The following RTN4RL1 variants were observed in gnomAD, a reference collection of about 807,000 sequenced individuals.
RTN4RL1 encodes reticulon-4 receptor-like 1.
A neutral mutation model predicts 25.6 loss-of-function variants in RTN4RL1; 7 were observed. The ratio of observed to expected loss-of-function variants is 0.27; its 90% CI spans 0.16 to 0.51. The LOEUF is 0.51. Among genes scored for constraint, RTN4RL1 ranks in the 20% least tolerant of loss-of-function variants. The pLI is 0.97. For missense variants in RTN4RL1, 500 were observed against 615.6 expected, an observed-to-expected ratio of 0.81 and a Z score of 1.99; for synonymous variants, 297 against 288.2, an observed-to-expected ratio of 1.03 and a Z score of -0.31.
intron 1 of RTN4RL1, among the ~76,000 whole-genome samples, chr17:1,938,461 C>T (rs1176063618): frequency 6.6e-6 from 1 of 151,708 alleles, no homozygotes; most frequent in Non-Finnish European, 1.5e-5. Context: ...ACCATCACGC[C>T]CAGGTAGTTT....
intron 1 of RTN4RL1, among the ~76,000 whole-genome samples, chr17:1,942,412 C>G (rs1036478340): frequency 6.6e-6 from 1 of 151,996 alleles, no homozygotes; most frequent in African/African-American, 2.4e-5. Flanking sequence ...TGGGGGGGCT[C>G]ACTAGGAGAT....
intron 1 of RTN4RL1, among the ~76,000 whole-genome samples, chr17:1,951,259 C>T (rs922313050): frequency 1.3e-4 from 19 of 144,314 alleles, no homozygotes; most frequent in Non-Finnish European, 6.1e-5. Flanking sequence ...AGCGAGACTC[C>T]GTCTCAAAAA....
chr17:1,999,982 G>A (rs888990189), intron 1 of RTN4RL1, among the ~76,000 whole-genome samples: 1 of 152,248 alleles, frequency 6.6e-6, no homozygotes, highest in Non-Finnish European at 1.5e-5. Flanking sequence ...CCACTGGGCA[G>A]GCCAGGGTCC....
Position 1,961,773 on chromosome 17 carries a change from C to CAAAAA in RTN4RL1, c.14-23970_14-23966dup, listed in dbSNP as rs1163170575. Among the ~76,000 whole-genome samples the CAAAAA allele has an allele frequency of 1.3e-3, 74 of 55,588 alleles. 2 individuals carry two copies. The highest frequency in any genetic ancestry group is 3.1e-3 in the African/African-American group (45 of 14,570). The allele number at this position is 55,588 out of a possible 152,430, so 36.5% of individuals were successfully genotyped here. On this transcript the variant is annotated intron_variant, in intron 1 of 1. Coordinates refer to ENST00000331238, the MANE Select transcript of RTN4RL1 (RefSeq NM_178568.4). The stretch of plus-strand genomic sequence containing the variant: ...TGAAACCCTGTCTCCACTAAAAATA[C>CAAAAA]AAAAAAAAAAAAAAAAAAAAAAAAA...
chr17:1,998,829 C>T lies in RTN4RL1; in HGVS notation c.13+26024G>A, dbSNP rs1167381608. Among the ~76,000 whole-genome samples the T allele has an allele frequency of 6.6e-6, 1 of 152,076 alleles. No homozygotes were observed. The highest frequency in any genetic ancestry group is 1.5e-5 in the Non-Finnish European group (1 of 67,996). ...GAGGGCCCTAAAAACGCTGGGGACG[C>T]GGGTTTGACGCACTTTCCCGGCAGC... On this transcript the variant is annotated intron_variant, in intron 1 of 1. Coordinates refer to ENST00000331238, the MANE Select transcript of RTN4RL1 (RefSeq NM_178568.4). The surrounding 1 kb of genome is among the most constrained non-coding windows in gnomAD (Gnocchi z 4.9).
chr17:1,998,185 C>G lies in RTN4RL1; in HGVS notation c.13+26668G>C, dbSNP rs577102877. Reference sequence around the variant, plus strand: ...CTCCCTGGCCCGGATTAAATATTTACTATGTTTTGTTTGGCCTTTGGGGGA... The same window carrying G: ...CTCCCTGGCCCGGATTAAATATTTAGTATGTTTTGTTTGGCCTTTGGGGGA... On this transcript the variant is annotated intron_variant, in intron 1 of 1. Coordinates refer to ENST00000331238, the MANE Select transcript of RTN4RL1 (RefSeq NM_178568.4). This position sits in a 1 kb window ranked among gnomAD's most constrained non-coding sequence, Gnocchi z 4.9. 3.1e-3 allele frequency among the ~76,000 whole-genome samples: 479 copies of G among 152,166 alleles called. No individual in the cohort carries two copies. The highest frequency in any genetic ancestry group is 6.8e-3 in the Middle Eastern group (2 of 292).
intron 1 of RTN4RL1, among the ~76,000 whole-genome samples, chr17:1,986,401 A>G (rs1034373679): frequency 2.6e-5 from 4 of 152,144 alleles, no homozygotes; most frequent in Non-Finnish European, 5.9e-5. Flanking sequence ...CCACATCCAT[A>G]TCCCTGGAGC....
intron 1 of RTN4RL1, among the ~76,000 whole-genome samples, chr17:1,984,955 G>C (rs182410055): frequency 6.7e-6 from 1 of 150,364 alleles, no homozygotes; most frequent in East Asian, 1.9e-4. Flanking sequence ...CAACAAGAGC[G>C]AAACTCCATC....
intron 1 of RTN4RL1, among the ~76,000 whole-genome samples, chr17:1,966,512 C>A (rs993686076): frequency 6.6e-6 from 1 of 152,198 alleles, no homozygotes; most frequent in African/African-American, 2.4e-5. Flanking sequence ...AGCAGCCTAA[C>A]TTCCCTGGAC....
rs919567510 is a variant in RTN4RL1, at chr17:1,995,319, G to C, written c.13+29534C>G. ...TAGGTGCCTGTAACCCCAGCTACTC[G>C]GGAAGCTGAGGCAGGAAAATCACTT... is the stretch of plus-strand genomic sequence containing the variant. On this transcript the variant is annotated intron_variant, in intron 1 of 1. Coordinates refer to ENST00000331238, the MANE Select transcript of RTN4RL1 (RefSeq NM_178568.4). Among the ~76,000 whole-genome samples the C allele has an allele frequency of 3.3e-5, 5 of 151,972 alleles. 1 individual carries two copies. The South Asian group carries it at 6.2e-4, about 19-fold the overall frequency.
At chr17:1,970,774 CCT>C (rs1391726752) in intron 1 of RTN4RL1, among the ~76,000 whole-genome samples, 1 of 152,134 alleles carries the variant, frequency 6.6e-6, no homozygotes, top group African/African-American at 2.4e-5. Flanking sequence ...CTCCTACCAC[CCT>C]GTTTAGTTCA....
intron 1 of RTN4RL1, among the ~76,000 whole-genome samples, chr17:1,948,129 G>A (rs1158070293): frequency 2.0e-5 from 3 of 152,210 alleles, no homozygotes; most frequent in Non-Finnish European, 4.4e-5. Flanking sequence ...ATGCCGAGAA[G>A]GGGCTTTAGC....
intron 1 of RTN4RL1, among the ~76,000 whole-genome samples, chr17:1,975,999 T>C (rs12946465): frequency 0.28 from 42,232 of 152,126 alleles, 6,182 homozygotes; most frequent in Admixed American, 0.4. Flanking sequence ...TTAAGGCAAT[T>C]TTCTTGAACT....
intron 1 of RTN4RL1, among the ~76,000 whole-genome samples, chr17:2,008,287 C>T (rs1424025541): frequency 6.6e-6 from 1 of 150,822 alleles, no homozygotes; most frequent in African/African-American, 2.4e-5. Flanking sequence ...AAAAAAAGAC[C>T]ACCCCAAACT....
chr17:1,956,790 T>TCC (rs1915803222), intron 1 of RTN4RL1, among the ~76,000 whole-genome samples: 2 of 149,848 alleles, frequency 1.3e-5, no homozygotes, highest in African/African-American at 4.9e-5. Flanking sequence ...TCGCCCAGGC[T>TCC]AGAGCGCAAT....
At chr17:2,007,333 C>CG (rs58080832) in intron 1 of RTN4RL1, among the ~76,000 whole-genome samples, 2 of 116,324 alleles carry the variant, frequency 1.7e-5, no homozygotes, top group Admixed American at 1.1e-4. Flanking sequence ...ATGTTCACAG[C>CG]CCCAACACAC....
Position 1,945,650 on chromosome 17 carries a change from C to T in RTN4RL1, c.14-7842G>A, listed in dbSNP as rs558344155. Among the ~76,000 whole-genome samples, 9 of 152,344 alleles carry T rather than the reference C, an allele frequency of 5.9e-5. No individual in the cohort carries two copies. In the South Asian group the frequency reaches 1.0e-3, roughly 18 times the overall value. On this transcript the variant is annotated intron_variant, in intron 1 of 1. Transcript: ENST00000331238. ...ACCGTTGTGAGCCACCACGCCCGGC[C>T]GCCCTGCTTCACTTTACCCCACAGC...
chr17:1,987,917 C>A (rs908400726), intron 1 of RTN4RL1, among the ~76,000 whole-genome samples: 2 of 151,226 alleles, frequency 1.3e-5, no homozygotes, highest in Non-Finnish European at 2.9e-5. Flanking sequence ...ACCATCATGG[C>A]CAACATGGTG....
chr17:1,970,132 C>T (rs969883548), intron 1 of RTN4RL1, among the ~76,000 whole-genome samples: 2 of 151,904 alleles, frequency 1.3e-5, no homozygotes, highest in African/African-American at 4.8e-5. Context: ...AGCGATTCTC[C>T]TGCCTCAGCC....
Sources: gnomAD v4.1 joint callset for allele counts (sites outside exome capture counted in the v4.1 genomes callset) on GRCh38, gnomAD v4.1.1 for gene constraint, Gnocchi (gnomAD v3.1) non-coding constraint, MANE v1.5 for transcripts, NCBI Gene and HGNC (gene_info 2026-07-23, HGNC 2026-07-21) for gene names.